Variants in LRRTM4 observed in about 807,000 individuals in gnomAD.
LRRTM4 encodes the protein leucine rich repeat transmembrane neuronal 4.
LRRTM4 carries 25 observed loss-of-function variants against 47.6 expected under a neutral mutation model. That is an observed-to-expected ratio of 0.53 (90% CI 0.38 to 0.73). The LOEUF is 0.73. Ranked by LOEUF, LRRTM4 falls within the 30% of genes least tolerant of loss-of-function variation. The probability of loss-of-function intolerance (pLI) is 0.00; values close to 1 mark genes in which losing one functional copy is unlikely to be tolerated. For synonymous variants in LRRTM4, 311 were observed against 269.5 expected, an observed-to-expected ratio of 1.15 and a Z score of -1.51; for missense variants, 638 against 713.4, an observed-to-expected ratio of 0.89 and a Z score of 1.20.
At chr2:77,375,712 C>A (rs1672812319) in intron 3 of LRRTM4, among the ~76,000 whole-genome samples, 1 of 151,718 alleles carries the variant, frequency 6.6e-6, no homozygotes, top group Non-Finnish European at 1.5e-5. Flanking sequence ...TGGCCTATAA[C>A]ATCCAGCATA....
chr2:77,393,108 C>A (rs2103818625), intron 3 of LRRTM4, among the ~76,000 whole-genome samples: 1 of 152,060 alleles, frequency 6.6e-6, no homozygotes, highest in Middle Eastern at 3.4e-3. Flanking sequence ...TTTCGTAATT[C>A]TCTTTTTTCA....
chr2:77,259,218 A>G (rs6547137), intron 3 of LRRTM4, among the ~76,000 whole-genome samples: 18,724 of 151,968 alleles, frequency 0.12, 3,865 homozygotes, highest in African/African-American at 0.42. Flanking sequence ...GTGAATTCTG[A>G]CTCTTCCAGT....
chr2:76,906,325 C>A (rs1412152060), intron 3 of LRRTM4, among the ~76,000 whole-genome samples: 1 of 151,916 alleles, frequency 6.6e-6, no homozygotes, highest in Admixed American at 6.6e-5. Flanking sequence ...CAGGCCTGCC[C>A]TAAAAGAGCT....
chr2:76,785,153 ATGC>A (rs1433266815), intron 3 of LRRTM4, among the ~76,000 whole-genome samples: 2 of 152,116 alleles, frequency 1.3e-5, no homozygotes, highest in Non-Finnish European at 2.9e-5. Flanking sequence ...TTAATTTAAA[ATGC>A]TGCTATTGTG....
rs11892997 is a variant in LRRTM4, at chr2:77,068,605, G to T, written c.1552-319689C>A. On this transcript the variant is annotated intron_variant, in intron 3 of 3. Coordinates refer to ENST00000409884, the MANE Select transcript of LRRTM4 (RefSeq NM_001134745.3). ...TCCTTTAATTGTATATGTTTTCAAC[G>T]TTCTTCTATGTTATAGCACATACTA... is the stretch of plus-strand genomic sequence containing the variant. Among the ~76,000 whole-genome samples the T allele has an allele frequency of 7.2e-5, 11 of 152,022 alleles. No homozygotes were observed. In the South Asian group the frequency reaches 2.3e-3, roughly 32 times the overall value.
chr2:76,974,211 CACATATAT>C (rs1676333361), intron 3 of LRRTM4, among the ~76,000 whole-genome samples: 5 of 118,234 alleles, frequency 4.2e-5, no homozygotes, highest in African/African-American at 7.5e-5. Context: ...TATATATATA[CACATATAT>C]ATACATACAT....
intron 3 of LRRTM4, among the ~76,000 whole-genome samples, chr2:77,412,745 G>T (rs774200815): frequency 1.3e-5 from 2 of 152,146 alleles, no homozygotes; most frequent in African/African-American, 4.8e-5. Context: ...CTTTACCAGC[G>T]AGTGAGAACT....
intron 3 of LRRTM4, among the ~76,000 whole-genome samples, chr2:76,845,361 G>C (rs1671808340): frequency 6.6e-6 from 1 of 152,082 alleles, no homozygotes; most frequent in Non-Finnish European, 1.5e-5. Context: ...GCATGGTGGG[G>C]AGCACCTGTA....
At chr2:77,358,223 G>A (rs192196118) in intron 3 of LRRTM4, among the ~76,000 whole-genome samples, 3 of 152,204 alleles carry the variant, frequency 2.0e-5, no homozygotes, top group East Asian at 1.9e-4. Flanking sequence ...TTCTGCAGAC[G>A]GTATGAGAAG....
chr2:76,848,353 T>C (rs901808202), intron 3 of LRRTM4, among the ~76,000 whole-genome samples: 27 of 152,112 alleles, frequency 1.8e-4, no homozygotes, highest in African/African-American at 6.5e-4. Context: ...CATCTGCAAA[T>C]AGTTCAACTT....
At chr2:77,386,257 AT>A (rs1417637840) in intron 3 of LRRTM4, among the ~76,000 whole-genome samples, 1 of 152,188 alleles carries the variant, frequency 6.6e-6, no homozygotes, top group African/African-American at 2.4e-5. Flanking sequence ...GATTTTATAA[AT>A]TTATACATCC....
At chr2:77,060,093 T>C (rs903014401) in intron 3 of LRRTM4, among the ~76,000 whole-genome samples, 1 of 152,216 alleles carries the variant, frequency 6.6e-6, no homozygotes, top group Non-Finnish European at 1.5e-5. Context: ...TCATAAACAT[T>C]TGCAAACTAT....
At chr2:77,243,116 A>G (rs1023146218) in intron 3 of LRRTM4, among the ~76,000 whole-genome samples, 1 of 152,192 alleles carries the variant, frequency 6.6e-6, no homozygotes, top group African/African-American at 2.4e-5. Context: ...AGCCAGTCAT[A>G]AAAAAGATAA....
chr2:76,792,409 C>T (rs960148900), intron 3 of LRRTM4, among the ~76,000 whole-genome samples: 3 of 152,104 alleles, frequency 2.0e-5, no homozygotes, highest in African/African-American at 7.2e-5. Flanking sequence ...GAATCATCTA[C>T]CTGACACATC....
chr2:77,276,753 T>C (rs1676372223), intron 3 of LRRTM4, among the ~76,000 whole-genome samples: 1 of 143,154 alleles, frequency 7.0e-6, no homozygotes, highest in South Asian at 2.3e-4. Flanking sequence ...TATGGAGACA[T>C]GTTTATTTCT....
At chr2:76,749,758 T>G (rs1343829903) in intron 3 of LRRTM4, among the ~76,000 whole-genome samples, 1 of 152,214 alleles carries the variant, frequency 6.6e-6, no homozygotes, top group Non-Finnish European at 1.5e-5. Flanking sequence ...CATAAATTTC[T>G]GATAAAGATA....
At chr2:77,237,306 A>G (rs1297808906) in intron 3 of LRRTM4, among the ~76,000 whole-genome samples, 1 of 151,402 alleles carries the variant, frequency 6.6e-6, no homozygotes, top group Non-Finnish European at 1.5e-5. Flanking sequence ...GATTTTACTC[A>G]TTTCCTTTAG....
intron 3 of LRRTM4, among the ~76,000 whole-genome samples, chr2:76,914,484 T>A (rs1674177919): frequency 6.6e-6 from 1 of 152,094 alleles, no homozygotes; most frequent in Non-Finnish European, 1.5e-5. Flanking sequence ...TTTGAATGAG[T>A]GCATATTTTG....
At chr2:77,448,488 A>C in intron 3 of LRRTM4, among the ~76,000 whole-genome samples, 1 of 152,320 alleles carries the variant, frequency 6.6e-6, no homozygotes, top group Middle Eastern at 3.4e-3. Flanking sequence ...TATCAAAAAA[A>C]TCTCTTTTCA....
Sources: allele counts gnomAD v4.1 joint callset (sites outside exome capture counted in the v4.1 genomes callset), GRCh38; gene constraint gnomAD v4.1.1; transcripts MANE v1.5; gene names NCBI Gene and HGNC (gene_info 2026-07-23, HGNC 2026-07-21).